The following NFIC variants were observed in gnomAD, a reference collection of about 807,000 sequenced individuals.
NFIC encodes the protein nuclear factor 1 C-type.
Under a neutral mutation model 54.4 loss-of-function variants are expected in NFIC, and 12 were observed. The observed-to-expected ratio is 0.22, with a 90% CI of 0.14 to 0.36. The LOEUF is 0.36. Among genes scored for constraint, NFIC ranks in the 10% least tolerant of loss-of-function variants. The pLI, the probability that NFIC is intolerant of heterozygous loss-of-function variation, is 1.00. For synonymous variants in NFIC, 322 were observed against 319.2 expected (o/e 1.01, Z -0.09); for missense variants, 575 against 718.2 (o/e 0.80, Z 2.28).
At chr19:3,405,403 C>T (rs1290843892) in intron 2 of NFIC, among the ~76,000 whole-genome samples, 4 of 152,056 alleles carry the variant, frequency 2.6e-5, no homozygotes, top group African/African-American at 4.8e-5. Flanking sequence ...AAGGGCTGGG[C>T]AGGGGTTTTA....
intron 2 of NFIC, among the ~76,000 whole-genome samples, chr19:3,386,695 G>A (rs1472712456): frequency 1.3e-5 from 2 of 152,194 alleles, no homozygotes; most frequent in African/African-American, 2.4e-5. Flanking sequence ...TCACACAGCC[G>A]AGACTGGGCC....
chr19:3,430,147 A>C (rs2082098477), intron 3 of NFIC, among the ~76,000 whole-genome samples: 1 of 152,068 alleles, frequency 6.6e-6, no homozygotes, highest in South Asian at 2.1e-4. Context: ...TTTGTAGTAA[A>C]ATGTGCATGA....
intron 2 of NFIC, among the ~76,000 whole-genome samples, chr19:3,420,584 T>TAAATAAATAAATAAATAAAA (rs1242152519): frequency 2.6e-5 from 4 of 151,666 alleles, no homozygotes; most frequent in Admixed American, 2.6e-4. Flanking sequence ...AATAAATAAA[T>TAAATAAATAAATAAATAAAA]AAAAGATACA....
intron 2 of NFIC, among the ~76,000 whole-genome samples, chr19:3,400,337 C>T (rs951276227): frequency 6.6e-6 from 1 of 151,722 alleles, no homozygotes; most frequent in Non-Finnish European, 1.5e-5. Flanking sequence ...ATTAGCCAGG[C>T]GTGATGGCAG....
chr19:3,411,834 T>C (rs982361548), intron 2 of NFIC, among the ~76,000 whole-genome samples: 3 of 152,202 alleles, frequency 2.0e-5, no homozygotes, highest in African/African-American at 7.2e-5. Flanking sequence ...TGTCCGTGTT[T>C]GCTTGTGCAA....
chr19:3,454,626 A>G (rs1006309903), intron 9 of NFIC, among the ~76,000 whole-genome samples: 2 of 142,594 alleles, frequency 1.4e-5, no homozygotes, highest in Non-Finnish European at 3.1e-5. Flanking sequence ...TCTCCCCACG[A>G]CCCCCATGCA....
chr19:3,444,197 C>T (rs1399612540), intron 6 of NFIC, among the ~76,000 whole-genome samples: 3 of 122,758 alleles, frequency 2.4e-5, no homozygotes, highest in East Asian at 4.0e-4. Context: ...GTCAGATGGG[C>T]GTGTGTGACA....
chr19:3,427,723 A>G (rs2082047775), intron 3 of NFIC, among the ~76,000 whole-genome samples: 1 of 147,654 alleles, frequency 6.8e-6, no homozygotes, highest in African/African-American at 2.5e-5. Context: ...GCTAGTCGGG[A>G]GGCTGAGGCA....
chr19:3,461,890 C>A (rs1161778645), intron 10 of NFIC, among the ~76,000 whole-genome samples: 1 of 151,246 alleles, frequency 6.6e-6, no homozygotes, highest in East Asian at 1.9e-4. Context: ...CCTGTCTCTA[C>A]TAAAAATATA....
At chr19:3,414,579 G>T (rs2081819478) in intron 2 of NFIC, among the ~76,000 whole-genome samples, 1 of 150,262 alleles carries the variant, frequency 6.7e-6, no homozygotes, top group African/African-American at 2.5e-5. Context: ...TGGGAGACGG[G>T]GCGAGACTGC....
At chr19:3,366,977 A>C (rs2145422125) in intron 1 of NFIC, among the ~76,000 whole-genome samples, 1 of 136,986 alleles carries the variant, frequency 7.3e-6, no homozygotes, top group African/African-American at 2.8e-5. Context: ...CCACACACCG[A>C]CGCACTCCGC....
At chr19:3,424,639 T>G (rs1402863618) in intron 2 of NFIC, among the ~76,000 whole-genome samples, 1 of 152,084 alleles carries the variant, frequency 6.6e-6, no homozygotes, top group African/African-American at 2.4e-5. Context: ...TCCCTTGGCC[T>G]CCCAAAGTGC....
intron 1 of NFIC, among the ~76,000 whole-genome samples, chr19:3,371,942 TCCCTCCCTCCC>T (rs1568400149): frequency 2.6e-5 from 3 of 115,690 alleles, no homozygotes. Context: ...CTTCCTTCCC[TCCCTCCCTCCC>T]TCCTTCCTTC....
chr19:3,381,174 G>T (rs2081200307), intron 1 of NFIC, among the ~76,000 whole-genome samples: 1 of 152,046 alleles, frequency 6.6e-6, no homozygotes, highest in Non-Finnish European at 1.5e-5. Flanking sequence ...GAGGCGGGCG[G>T]ATCAGAGGTC....
chr19:3,420,706 T>G (rs951343435), intron 2 of NFIC, among the ~76,000 whole-genome samples: 5 of 151,580 alleles, frequency 3.3e-5, no homozygotes, highest in South Asian at 2.1e-4. Context: ...GTTCTGGGAG[T>G]TTTATTAATA....
At chr19:3,411,840 T>C (rs1208100710) in intron 2 of NFIC, among the ~76,000 whole-genome samples, 3 of 152,150 alleles carry the variant, frequency 2.0e-5, no homozygotes, top group African/African-American at 7.2e-5. Flanking sequence ...TGTTTGCTTG[T>C]GCAATCATGA....
At chr19:3,430,537 T>C (rs563601993) in intron 3 of NFIC, among the ~76,000 whole-genome samples, 36 of 151,906 alleles carry the variant, frequency 2.4e-4, no homozygotes, top group South Asian at 2.1e-3. Context: ...TTCCAGAACA[T>C]TTCATCCCCC....
chr19:3,366,872 A>G (rs2145421564), intron 1 of NFIC, among the ~76,000 whole-genome samples: 1 of 147,650 alleles, frequency 6.8e-6, no homozygotes, highest in African/African-American at 2.5e-5. Context: ...CCTACCGCGG[A>G]CCCCCTACGC....
intron 2 of NFIC, among the ~76,000 whole-genome samples, chr19:3,408,253 A>G (rs562805892): frequency 5.3e-5 from 8 of 152,230 alleles, no homozygotes; most frequent in African/African-American, 1.9e-4. Context: ...GGGTTTTTAA[A>G]TAAGTGTGAT....
Sources: gnomAD v4.1 joint callset for allele counts (sites outside exome capture counted in the v4.1 genomes callset) on GRCh38, gnomAD v4.1.1 for gene constraint, MANE v1.5 for transcripts, NCBI Gene and HGNC (gene_info 2026-07-23, HGNC 2026-07-21) for gene names.